The following CAMTA1 variants were observed in gnomAD, a reference collection of about 807,000 sequenced individuals.
CAMTA1 encodes calmodulin binding transcription activator 1.
Under a neutral mutation model 170.9 loss-of-function variants are expected in CAMTA1, and 27 were observed. That is an observed-to-expected ratio of 0.16 (90% CI 0.12 to 0.22). The LOEUF is 0.22. Among genes scored for constraint, CAMTA1 ranks in the 10% least tolerant of loss-of-function variants. CAMTA1 has a pLI of 1.00. For missense variants in CAMTA1, 1,619 were observed against 2,217.2 expected (o/e 0.73, Z 5.42); for synonymous variants, 833 against 891.5 (o/e 0.93, Z 1.17).
chr1:7,134,273 A>G (rs1217511516), intron 4 of CAMTA1, among the ~76,000 whole-genome samples: 1 of 152,002 alleles, frequency 6.6e-6, no homozygotes, highest in Non-Finnish European at 1.5e-5. Context: ...GTGTATATGT[A>G]CCATATTTGC....
chr1:7,709,330 TTAGA>T (rs1333710529), intron 11 of CAMTA1, among the ~76,000 whole-genome samples: 1 of 152,194 alleles, frequency 6.6e-6, no homozygotes, highest in Non-Finnish European at 1.5e-5. Context: ...ATGCTACTCA[TTAGA>T]TAGGGTGAGG....
At chr1:7,764,830 C>T (rs2097005568) in intron 22 of CAMTA1, among the ~76,000 whole-genome samples, 2 of 151,836 alleles carry the variant, frequency 1.3e-5, no homozygotes, top group Admixed American at 6.6e-5. Context: ...CGTGGTGGTG[C>T]GTGCCTGTAA....
intron 4 of CAMTA1, among the ~76,000 whole-genome samples, chr1:7,136,065 A>C (rs11120861): frequency 6.6e-6 from 1 of 151,884 alleles, no homozygotes; most frequent in African/African-American, 2.4e-5. Flanking sequence ...AACTGGTCTT[A>C]TTTTAAATGT....
chr1:6,874,911 C>T (rs1241064446), intron 3 of CAMTA1, among the ~76,000 whole-genome samples: 3 of 152,094 alleles, frequency 2.0e-5, no homozygotes, highest in Non-Finnish European at 2.9e-5. Context: ...CACCCAGCTG[C>T]GGGAGGCTTC....
chr1:6,790,495 A>G (rs1640780971), intron 1 of CAMTA1, among the ~76,000 whole-genome samples: 1 of 152,070 alleles, frequency 6.6e-6, no homozygotes, highest in African/African-American at 2.4e-5. Flanking sequence ...TGGAATGCTT[A>G]TTTAATATTT....
chr1:7,437,327 C>T (rs1258293371), intron 5 of CAMTA1, among the ~76,000 whole-genome samples: 2 of 152,194 alleles, frequency 1.3e-5, no homozygotes, highest in Admixed American at 6.5e-5. Context: ...GGAGGCTGCA[C>T]GTCCATTCCT....
chr1:7,103,476 A>G (rs538940375), intron 4 of CAMTA1, among the ~76,000 whole-genome samples: 1 of 149,956 alleles, frequency 6.7e-6, no homozygotes, highest in Admixed American at 6.6e-5. Context: ...TACACAACAC[A>G]CACTACACAC....
chr1:7,751,429 A>T, intron 20 of CAMTA1, 37 bp downstream of exon 20: 1 of 1,515,932 alleles, frequency 6.6e-7, no homozygotes, highest in Non-Finnish European at 8.8e-7. Flanking sequence ...AAAGCTCCCT[A>T]GGGAAGAGAA....
rs1030900916 is a variant in CAMTA1 at position 7,262,333 on chromosome 1, G to A, written c.438+12707G>A. Among the ~76,000 whole-genome samples the A allele has an allele frequency of 3.3e-5, 5 of 151,980 alleles. No homozygotes were observed. The South Asian group carries it at 6.2e-4, about 19-fold the overall frequency. On this transcript the variant is annotated intron_variant, in intron 5 of 22. Coordinates refer to ENST00000303635, the MANE Select transcript of CAMTA1 (RefSeq NM_015215.4). ...TCCCAGCACTTTGGGAGGCCGAGGC[G>A]GGCGGATCACCTGAGGTCAGGAGTT...
chr1:6,877,473 A>C (rs1428904908), intron 3 of CAMTA1, among the ~76,000 whole-genome samples: 1 of 152,196 alleles, frequency 6.6e-6, no homozygotes, highest in East Asian at 1.9e-4. Context: ...GGAGTTAATG[A>C]AGGAAAAGTC....
intron 11 of CAMTA1, chr1:7,698,687 C>T (rs911425798): frequency 7.9e-5 from 12 of 152,434 alleles, no homozygotes; most frequent in African/African-American, 2.9e-4. Flanking sequence ...CAAGGAAAAT[C>T]CCAAGTTCTG....
chr1:7,179,840 C>T (rs1651731278), intron 4 of CAMTA1, among the ~76,000 whole-genome samples: 1 of 151,928 alleles, frequency 6.6e-6, no homozygotes, highest in South Asian at 2.1e-4. Context: ...TAAAGAAACA[C>T]AAGGTAAACC....
At chr1:7,201,853 T>C (rs1656766807) in intron 4 of CAMTA1, among the ~76,000 whole-genome samples, 1 of 18,956 alleles carries the variant, frequency 5.3e-5, no homozygotes, top group Non-Finnish European at 9.6e-5. Context: ...TCAATTTTTT[T>C]GGTGTCCTTT....
At chr1:7,097,010 C>A (rs549746459) in intron 4 of CAMTA1, among the ~76,000 whole-genome samples, 2 of 152,182 alleles carry the variant, frequency 1.3e-5, no homozygotes, top group Non-Finnish European at 2.9e-5. Flanking sequence ...TCTTTCTTGT[C>A]CCCCACTTTG....
intron 3 of CAMTA1, among the ~76,000 whole-genome samples, chr1:6,831,698 TAC>T (rs1650251503): frequency 6.6e-6 from 1 of 152,218 alleles, no homozygotes; most frequent in Admixed American, 6.5e-5. Flanking sequence ...TTTCCTGTAA[TAC>T]ACAGTTTCTC....
chr1:7,231,347 G>GTT (rs1214886220), intron 4 of CAMTA1, among the ~76,000 whole-genome samples: 79 of 116,398 alleles, frequency 6.8e-4, no homozygotes, highest in African/African-American at 2.4e-3. Flanking sequence ...GTGTGTGTGT[G>GTT]TGTGAGAGAG....
rs115818290 is a variant in CAMTA1, at chr1:7,169,996, G to C, written c.302+78625G>C. Among the ~76,000 whole-genome samples the C allele has an allele frequency of 3.4e-3, 524 of 152,178 alleles. 5 individuals are homozygous for C. The highest frequency in any genetic ancestry group is 0.012 in the African/African-American group (497 of 41,516). On this transcript the variant is annotated intron_variant, in intron 4 of 22. Transcript: ENST00000303635. ...GAACCAACTTTTGACTTTGCTGTTT[G>C]TATCTATTTTAGATTTGTTTCCTGT...
At chr1:7,492,567 A>T (rs986316127) in intron 6 of CAMTA1, among the ~76,000 whole-genome samples, 3 of 151,884 alleles carry the variant, frequency 2.0e-5, no homozygotes, top group African/African-American at 7.3e-5. Context: ...ACGCACGCAC[A>T]TACAAACGCA....
At chr1:7,355,701 G>C (rs1042966465) in intron 5 of CAMTA1, among the ~76,000 whole-genome samples, 13 of 152,210 alleles carry the variant, frequency 8.5e-5, no homozygotes, top group African/African-American at 2.7e-4. Context: ...TTCTATTGTG[G>C]CTGGAGTAAA....
Sources: gnomAD v4.1 joint callset for allele counts (sites outside exome capture counted in the v4.1 genomes callset) on GRCh38, gnomAD v4.1.1 for gene constraint, MANE v1.5 for transcripts, NCBI Gene and HGNC (gene_info 2026-07-23, HGNC 2026-07-21) for gene names.